Variants in MEIKIN observed in about 807,000 individuals in gnomAD.
MEIKIN encodes the protein meiosis-specific kinetochore protein.
chr5:131,832,664 G>A (rs757546997), intron 11 of MEIKIN, among the ~76,000 whole-genome samples: 55 of 152,194 alleles, frequency 3.6e-4, no homozygotes, highest in Non-Finnish European at 7.9e-4. Context: ...GGGCATCCAG[G>A]CATTTCCATA....
At chr5:131,900,298 G>A (rs904105097) in intron 8 of MEIKIN, among the ~76,000 whole-genome samples, 2 of 152,324 alleles carry the variant, frequency 1.3e-5, no homozygotes, top group Middle Eastern at 3.4e-3. Flanking sequence ...AAGGCATTGA[G>A]AGTGAAGGAA....
chr5:131,828,151 T>C (rs1749646883), intron 11 of MEIKIN, among the ~76,000 whole-genome samples: 1 of 151,692 alleles, frequency 6.6e-6, no homozygotes, highest in Non-Finnish European at 1.5e-5. Flanking sequence ...GTACAAAAGG[T>C]TTAATATAAG....
intron 8 of MEIKIN, among the ~76,000 whole-genome samples, chr5:131,891,835 T>C (rs1229450633): frequency 6.6e-6 from 1 of 152,208 alleles, no homozygotes; most frequent in Non-Finnish European, 1.5e-5. Flanking sequence ...ATTTGGCATG[T>C]TTTTGCAGTG....
rs149627960 is a variant in MEIKIN, at chr5:131,909,276, G to A, written c.703+2539C>T. On this transcript the variant is annotated intron_variant, in intron 8 of 12. Coordinates refer to ENST00000442687, the MANE Select transcript of MEIKIN (RefSeq NM_001303622.2). ...ATAGATAAATCTATACATCTACACCGAACTCATTTTTTACAAAGGTGCCAA... is the reference window on the plus strand; with the variant it reads ...ATAGATAAATCTATACATCTACACCAAACTCATTTTTTACAAAGGTGCCAA... Among the ~76,000 whole-genome samples the A allele has an allele frequency of 6.9e-4, 105 of 152,052 alleles. 2 individuals are homozygous for A. The East Asian group carries it at 0.016, about 23-fold the overall frequency.
intron 12 of MEIKIN, among the ~76,000 whole-genome samples, chr5:131,812,894 A>ACAG (rs1232130553): frequency 1.3e-5 from 2 of 151,616 alleles, no homozygotes; most frequent in African/African-American, 4.8e-5. Context: ...CTTTTGAGAA[A>ACAG]CAGCTTTTGG....
At chr5:131,840,499 G>A (rs1749887031) in intron 11 of MEIKIN, among the ~76,000 whole-genome samples, 1 of 152,110 alleles carries the variant, frequency 6.6e-6, no homozygotes, top group African/African-American at 2.4e-5. Flanking sequence ...TCATAGATTT[G>A]CTCTCTTACA....
chr5:131,834,025 A>G (rs1190776935), intron 11 of MEIKIN, among the ~76,000 whole-genome samples: 1 of 152,204 alleles, frequency 6.6e-6, no homozygotes, highest in Admixed American at 6.5e-5. Context: ...GTAAAAGTTA[A>G]CAACTAAAAA....
intron 11 of MEIKIN, among the ~76,000 whole-genome samples, chr5:131,841,476 C>T (rs1271572183): frequency 6.6e-6 from 1 of 152,206 alleles, no homozygotes; most frequent in Non-Finnish European, 1.5e-5. Flanking sequence ...CATACTGTTA[C>T]ACAGGTATAG....
At chr5:131,875,518 T>C (rs1354545682) in intron 9 of MEIKIN, among the ~76,000 whole-genome samples, 3 of 151,878 alleles carry the variant, frequency 2.0e-5, no homozygotes, top group Non-Finnish European at 4.4e-5. Flanking sequence ...TGGAAGAACA[T>C]TCCATGCTCA....
In MEIKIN at chr5:131,914,396, AAAG is replaced by A. The variant is rs2149644766; in HGVS notation, c.638+2487_638+2489del. On this transcript the variant is annotated intron_variant, in intron 7 of 12. Coordinates refer to ENST00000442687, the MANE Select transcript of MEIKIN (RefSeq NM_001303622.2). ...AAGACTCTGTCTCAAAAAAAAAAAA[AAAG>A]AAAGAAAGAAAGGAAAGAAGGAAGG... Among the ~76,000 whole-genome samples, 4 of 150,484 alleles carry A rather than the reference AAAG, an allele frequency of 2.7e-5. No homozygotes were observed. The South Asian group carries it at 6.3e-4, about 24-fold the overall frequency.
At position 131,822,931 on chromosome 5, in the gene MEIKIN, AG is replaced by A. The variant is rs1023951026; in HGVS notation, c.976-4069del. Among the ~76,000 whole-genome samples, 77 of 133,870 alleles carry A rather than the reference AG, an allele frequency of 5.8e-4. 1 individual carries two copies. The highest frequency in any genetic ancestry group is 1.9e-3 in the African/African-American group (70 of 36,562). The allele number at this position is 133,870 out of a possible 152,430, so 87.8% of individuals were successfully genotyped here. ...ATCTCTATTTCTCCTTCATGCTTAA[AG>A]GATTTTTTTTTTTTTTTTTTTTGCC... On this transcript the variant is annotated intron_variant, in intron 11 of 12. Transcript: ENST00000442687.
chr5:131,814,276 ATC>A (rs1773059492), intron 12 of MEIKIN, among the ~76,000 whole-genome samples: 1 of 98,166 alleles, frequency 1.0e-5, no homozygotes, highest in South Asian at 3.6e-4. Flanking sequence ...CATTGGACAG[ATC>A]TTTTTTTTTT....
chr5:131,903,116 A>G (rs1486089167), intron 8 of MEIKIN, among the ~76,000 whole-genome samples: 1 of 152,182 alleles, frequency 6.6e-6, no homozygotes, highest in African/African-American at 2.4e-5. Flanking sequence ...AACAATGACA[A>G]AGAATGAACA....
At chr5:131,911,658 T>C (rs1751336906) in intron 8 of MEIKIN, among the ~76,000 whole-genome samples, 157 bp downstream of exon 8, 1 of 151,928 alleles carries the variant, frequency 6.6e-6, no homozygotes, top group Non-Finnish European at 1.5e-5. Context: ...CCCACATATC[T>C]TCATTTCTTA....
chr5:131,878,157 T>A (rs1750646706), intron 9 of MEIKIN, among the ~76,000 whole-genome samples: 1 of 152,240 alleles, frequency 6.6e-6, no homozygotes, highest in Non-Finnish European at 1.5e-5. Context: ...TAAACTTATA[T>A]AGAGTATATA....
chr5:131,871,660 C>A (rs949516242), intron 9 of MEIKIN, among the ~76,000 whole-genome samples: 1 of 152,176 alleles, frequency 6.6e-6, no homozygotes, highest in East Asian at 1.9e-4. Flanking sequence ...GTGGTTCTCC[C>A]AGCACGCAGC....
chr5:131,852,379 G>T (rs1750129909), intron 10 of MEIKIN, among the ~76,000 whole-genome samples: 1 of 152,100 alleles, frequency 6.6e-6, no homozygotes, highest in Non-Finnish European at 1.5e-5. Flanking sequence ...GGCCTCCCCA[G>T]CCATGCGGAA....
intron 11 of MEIKIN, among the ~76,000 whole-genome samples, chr5:131,845,037 G>A (rs529881447): frequency 7.9e-5 from 12 of 152,168 alleles, no homozygotes; most frequent in African/African-American, 2.2e-4. Context: ...TTGGGAGGCC[G>A]AGGCGGGTGG....
intron 8 of MEIKIN, among the ~76,000 whole-genome samples, chr5:131,910,078 A>C (rs1053930389): frequency 4.6e-5 from 7 of 152,038 alleles, no homozygotes; most frequent in South Asian, 4.1e-4. Flanking sequence ...GTATATACGC[A>C]AACAAAAGGA....
Sources: allele counts gnomAD v4.1 joint callset (sites outside exome capture counted in the v4.1 genomes callset), GRCh38; gene constraint gnomAD v4.1.1; transcripts MANE v1.5; gene names NCBI Gene and HGNC (gene_info 2026-07-23, HGNC 2026-07-21).